EHF: variants seen among roughly 807,000 people sequenced by gnomAD.
EHF encodes ETS homologous factor.
Under a neutral mutation model 45.1 loss-of-function variants are expected in EHF, and 14 were observed. That is an observed-to-expected ratio of 0.31 (90% confidence interval 0.21 to 0.49). The LOEUF (loss-of-function observed/expected upper bound fraction) is 0.49. Among genes scored for constraint, EHF ranks in the 20% least tolerant of loss-of-function variants. The pLI is 0.99. For synonymous variants in EHF, 136 were observed against 131.8 expected, an observed-to-expected ratio of 1.03 and a Z score of -0.22; for missense variants, 282 against 371.4, an observed-to-expected ratio of 0.76 and a Z score of 1.98.
rs1856094306 is a variant in EHF at position 34,661,690 on chromosome 11, C to T, written c.*2759C>T. Among the ~76,000 whole-genome samples, 1 of 152,224 alleles carries T rather than the reference C, an allele frequency of 6.6e-6. No individual in the cohort carries two copies. The highest frequency in any genetic ancestry group is 1.9e-4 in the East Asian group (1 of 5,190). On this transcript the variant is annotated 3_prime_UTR_variant, in exon 9 of 9. Coordinates refer to ENST00000257831, the MANE Select transcript of EHF (RefSeq NM_012153.6). Reference sequence around the variant, plus strand: ...AACTTGGGGTGGTAACAGAGTACTTCCCACCACAGTGTTGAAAGGGAGAGC... The same window carrying T: ...AACTTGGGGTGGTAACAGAGTACTTTCCACCACAGTGTTGAAAGGGAGAGC...
chr11:34,630,089 C>A (rs1374087756), intron 1 of EHF, among the ~76,000 whole-genome samples: 1 of 152,164 alleles, frequency 6.6e-6, no homozygotes, highest in Non-Finnish European at 1.5e-5. Context: ...ATCAATATGT[C>A]TCCTGTTTAT....
chr11:34,635,379 C>T (rs1467472831), intron 1 of EHF, among the ~76,000 whole-genome samples: 1 of 151,666 alleles, frequency 6.6e-6, no homozygotes, highest in Non-Finnish European at 1.5e-5. Flanking sequence ...TTCCAGTTCC[C>T]TGCCAGTGGC....
chr11:34,658,998 C>T lies in EHF; in HGVS notation c.*67C>T, dbSNP rs1411156564. 42 of 1,242,618 alleles carry T rather than the reference C, an allele frequency of 3.4e-5. No homozygotes were observed. In the East Asian group the frequency reaches 3.7e-4, roughly 11 times the overall value. The allele number at this position is 1,242,618 out of a possible 1,614,324, so 77.0% of individuals were successfully genotyped here. ...TAATCAGAAACAAAGAACTCCTGGA[C>T]GTAAATATTTCAAAGACTACTTTTC... On this transcript the variant is annotated 3_prime_UTR_variant, in exon 9 of 9. Coordinates refer to ENST00000257831, the MANE Select transcript of EHF (RefSeq NM_012153.6).
intron 1 of EHF, among the ~76,000 whole-genome samples, chr11:34,630,398 T>C (rs1852766115): frequency 6.6e-6 from 1 of 152,242 alleles, no homozygotes; most frequent in East Asian, 1.9e-4. Context: ...GTAATTCATG[T>C]AATGACTAGT....
intron 4 of EHF, 85 bp downstream of exon 4, chr11:34,649,166 G>A: frequency 6.9e-7 from 1 of 1,444,946 alleles, no homozygotes; most frequent in Non-Finnish European, 9.6e-7. Flanking sequence ...GAGAATGTGG[G>A]GGCAAGTTTT....
At chr11:34,647,791 C>T (rs1431527714) in intron 3 of EHF, among the ~76,000 whole-genome samples, 1 of 152,184 alleles carries the variant, frequency 6.6e-6, no homozygotes, top group African/African-American at 2.4e-5. Flanking sequence ...CTGGCCATGC[C>T]CTGCTTCCCA....
At chr11:34,627,714 G>C (rs1852499295) in intron 1 of EHF, among the ~76,000 whole-genome samples, 1 of 151,908 alleles carries the variant, frequency 6.6e-6, no homozygotes, top group South Asian at 2.1e-4. Flanking sequence ...GGGGTCCAAG[G>C]GTAAATTCAG....
At chr11:34,622,513 T>C in intron 1 of EHF, 1 of 569,774 alleles carries the variant, frequency 1.8e-6, no homozygotes, top group South Asian at 2.4e-5. Context: ...GAAAAATTTA[T>C]TTCTAACAGA....
chr11:34,637,479 T>G (rs1292515232), intron 1 of EHF, among the ~76,000 whole-genome samples: 1 of 152,210 alleles, frequency 6.6e-6, no homozygotes, highest in African/African-American at 2.4e-5. Context: ...TCCCGCCATG[T>G]CTCAGGCTGG....
At chr11:34,621,807 G>T (rs1014007386) in intron 1 of EHF, among the ~76,000 whole-genome samples, 1 of 152,204 alleles carries the variant, frequency 6.6e-6, no homozygotes, top group Admixed American at 6.5e-5. Context: ...AGAGGTATTG[G>T]GGAGAGCTGA....
At chr11:34,624,230 C>G in intron 1 of EHF, 1 of 981,914 alleles carries the variant, frequency 1.0e-6, no homozygotes, top group African/African-American at 1.7e-5. Flanking sequence ...GGCATTGGCT[C>G]CACTGCAGCC....
Position 34,663,278 on chromosome 11 carries a change from C to A in EHF, c.*4347C>A, listed in dbSNP as rs1856196545. Reference sequence around the variant, plus strand: ...AAACACTAATAAAAACCACAGAGACCAGCCTGGAAATGCGTGTTTCATTCT... The same window carrying A: ...AAACACTAATAAAAACCACAGAGACAAGCCTGGAAATGCGTGTTTCATTCT... On this transcript the variant is annotated 3_prime_UTR_variant, in exon 9 of 9. Transcript: ENST00000257831. 6.6e-6 allele frequency among the ~76,000 whole-genome samples: 1 copy of A among 151,960 alleles called. No homozygotes were observed. Among genetic ancestry groups the A allele is most frequent in the Admixed American group, 6.6e-5 (1 of 15,248 alleles).
At chr11:34,644,503 G>T (rs186174109) in intron 2 of EHF, among the ~76,000 whole-genome samples, 18 of 152,330 alleles carry the variant, frequency 1.2e-4, no homozygotes, top group African/African-American at 4.1e-4. Flanking sequence ...GCCAGGGGCT[G>T]CTTTTGTTTC....
intron 1 of EHF, among the ~76,000 whole-genome samples, chr11:34,634,092 T>A (rs376475059): frequency 3.6e-4 from 55 of 152,292 alleles, no homozygotes; most frequent in African/African-American, 1.3e-3. Context: ...CCCAAGAGAA[T>A]CAAATACATT....
intron 1 of EHF, among the ~76,000 whole-genome samples, chr11:34,629,639 G>A (rs529365183): frequency 6.6e-6 from 1 of 152,192 alleles, no homozygotes; most frequent in Admixed American, 6.5e-5. Flanking sequence ...TTCAAAACAG[G>A]GATGTGGACG....
intron 1 of EHF, among the ~76,000 whole-genome samples, chr11:34,623,597 GAGGTTAAA>G (rs1852134145): frequency 6.6e-6 from 1 of 152,186 alleles, no homozygotes; most frequent in Non-Finnish European, 1.5e-5. Context: ...TGGAAACTGA[GAGGTTAAA>G]AGGTTTACTA....
chr11:34,636,820 G>A (rs1015028976), intron 1 of EHF, among the ~76,000 whole-genome samples: 1 of 152,254 alleles, frequency 6.6e-6, no homozygotes, highest in Middle Eastern at 3.4e-3. Context: ...ATCACCTGAG[G>A]TCAGGAGTTC....
chr11:34,655,703 G>A (rs565223881), intron 6 of EHF, among the ~76,000 whole-genome samples: 1 of 152,330 alleles, frequency 6.6e-6, no homozygotes, highest in Admixed American at 6.5e-5. Flanking sequence ...GCTTAGTACA[G>A]TGCCTGGTAC....
chr11:34,637,029 C>CAAAAAA (rs34992133), intron 1 of EHF, among the ~76,000 whole-genome samples: 2 of 86,892 alleles, frequency 2.3e-5, no homozygotes, highest in African/African-American at 9.0e-5. Flanking sequence ...AACTTCATCT[C>CAAAAAA]AAAAAAAAAA....
Sources: allele counts gnomAD v4.1 joint callset (sites outside exome capture counted in the v4.1 genomes callset), GRCh38; gene constraint gnomAD v4.1.1; transcripts MANE v1.5; gene names NCBI Gene and HGNC (gene_info 2026-07-23, HGNC 2026-07-21).